The following NPIPA1 variants were observed in gnomAD, a reference collection of about 807,000 sequenced individuals.
NPIPA1 encodes the protein nuclear pore complex-interacting protein family member A1.
For missense variants in NPIPA1, 22 were observed against 232.2 expected (o/e 0.09, Z 5.88); for synonymous variants, 7 against 88.0 (o/e 0.08, Z 5.15).
intron 2 of NPIPA1, among the ~76,000 whole-genome samples, chr16:14,943,765 A>G (rs1300619024): frequency 2.7e-5 from 4 of 150,434 alleles, no homozygotes; most frequent in Non-Finnish European, 4.4e-5. Flanking sequence ...TAGATTACCC[A>G]TTGCTTCTCT....
intron 1 of NPIPA1, among the ~76,000 whole-genome samples, chr16:14,938,710 T>C (rs1373309865): frequency 6.6e-6 from 1 of 151,148 alleles, no homozygotes; most frequent in Non-Finnish European, 1.5e-5. Flanking sequence ...CAAAGTGAAA[T>C]GTCATTTGAT....
chr16:14,948,324 C>T (rs1404263622), intron 4 of NPIPA1, among the ~76,000 whole-genome samples: 1 of 152,250 alleles, frequency 6.6e-6, no homozygotes, highest in South Asian at 2.1e-4. Context: ...ATGCACCCAG[C>T]ATTCAGATTG....
chr16:14,951,666 CCCTA>C lies in NPIPA1; in HGVS notation c.698_701del (p.Tyr233SerfsTer6). 6.5e-7 allele frequency: 1 copy of C among 1,544,236 alleles called. No homozygotes were observed. The highest frequency in any genetic ancestry group is 8.7e-7 in the Non-Finnish European group (1 of 1,151,690). On this transcript the variant is annotated frameshift_variant, in exon 8 of 8. Coordinates refer to ENST00000328085, the MANE Select transcript of NPIPA1 (RefSeq NM_006985.4). LOFTEE classifies it high-confidence loss of function. ...TCATTCTTCAGGATTGCCCTACTGG[CCCTA>C]CCTCACAGCTGAAACTTTAAAAAAC... is the stretch of plus-strand genomic sequence containing the variant.
chr16:14,949,647 G>C (rs1480302989), intron 5 of NPIPA1: 1 of 610,014 alleles, frequency 1.6e-6, no homozygotes, highest in African/African-American at 1.9e-5. Context: ...ACCCAGGCTG[G>C]AGTGCAATGA....
In NPIPA1 at chr16:14,939,927, G is replaced by A. The variant is rs1487487080; in HGVS notation, c.64-1885G>A. Among the ~76,000 whole-genome samples, 5 of 33,752 alleles carry A rather than the reference G, an allele frequency of 1.5e-4. 1 individual carries two copies. The highest frequency in any genetic ancestry group is 2.4e-4 in the Non-Finnish European group (3 of 12,390). 22.1% of individuals were successfully genotyped at this position (33,752 alleles called of 152,430 possible). On this transcript the variant is annotated intron_variant, in intron 1 of 7. Coordinates refer to ENST00000328085, the MANE Select transcript of NPIPA1 (RefSeq NM_006985.4). ...TTTTTTTTTTTTGAGACAGAGTCTC[G>A]CTCTGTCACCCAGGCTGAAGTGCAG...
intron 2 of NPIPA1, among the ~76,000 whole-genome samples, chr16:14,945,264 G>C (rs1329374851): frequency 1.4e-5 from 2 of 145,182 alleles, no homozygotes; most frequent in African/African-American, 5.2e-5. Flanking sequence ...GTGTGTGTGT[G>C]TGTGAGACAG....
chr16:14,938,814 C>T (rs1328082814), intron 1 of NPIPA1, among the ~76,000 whole-genome samples: 2 of 151,846 alleles, frequency 1.3e-5, no homozygotes, highest in Admixed American at 6.6e-5. Context: ...TCTCGGCTCA[C>T]TGCAACCTCC....
chr16:14,940,386 A>C (rs1272283996), intron 1 of NPIPA1, among the ~76,000 whole-genome samples: 6 of 152,182 alleles, frequency 3.9e-5, no homozygotes, highest in South Asian at 2.1e-4. Context: ...AATGTTATAC[A>C]TCAATTTAAA....
chr16:14,947,327 GT>G (rs1189402834), intron 4 of NPIPA1, among the ~76,000 whole-genome samples: 4 of 152,068 alleles, frequency 2.6e-5, no homozygotes, highest in Non-Finnish European at 5.9e-5. Flanking sequence ...ATGGTCAGGG[GT>G]CCTCCGTACA....
chr16:14,940,449 C>T (rs1401672266), intron 1 of NPIPA1, among the ~76,000 whole-genome samples: 1 of 151,766 alleles, frequency 6.6e-6, no homozygotes, highest in Non-Finnish European at 1.5e-5. Flanking sequence ...TGGCTCACAC[C>T]TGTATTGCCA....
intron 4 of NPIPA1, among the ~76,000 whole-genome samples, chr16:14,948,020 CT>C (rs1463624663): frequency 1.3e-5 from 2 of 152,364 alleles, no homozygotes; most frequent in East Asian, 3.9e-4. Context: ...CATTAACTTT[CT>C]CTTTGAAGTG....
chr16:14,941,347 ATGGCTTGAGCCC>A (rs1965748634), intron 1 of NPIPA1, among the ~76,000 whole-genome samples: 1 of 136,650 alleles, frequency 7.3e-6, no homozygotes, highest in Non-Finnish European at 1.5e-5. Context: ...AGGCAGGAGA[ATGGCTTGAGCCC>A]AGGAGCTGGA....
intron 4 of NPIPA1, among the ~76,000 whole-genome samples, chr16:14,947,165 A>G (rs2151083751): frequency 6.6e-6 from 1 of 152,370 alleles, no homozygotes; most frequent in South Asian, 2.1e-4. Flanking sequence ...ACAGTCTTTC[A>G]TGTTTTGGTC....
chr16:14,948,133 T>C (rs1477598421), intron 4 of NPIPA1, among the ~76,000 whole-genome samples: 1 of 151,966 alleles, frequency 6.6e-6, no homozygotes, highest in Non-Finnish European at 1.5e-5. Flanking sequence ...AATCAAGTGG[T>C]GTGAGGGCAA....
intron 4 of NPIPA1, among the ~76,000 whole-genome samples, chr16:14,947,293 G>A (rs1267086106): frequency 6.6e-6 from 1 of 152,192 alleles, no homozygotes; most frequent in Non-Finnish European, 1.5e-5. Context: ...TGCTGCAGAA[G>A]AGATGGGAGT....
chr16:14,947,302 G>A (rs1965913915), intron 4 of NPIPA1, among the ~76,000 whole-genome samples: 1 of 152,170 alleles, frequency 6.6e-6, no homozygotes, highest in Non-Finnish European at 1.5e-5. Context: ...AGAGATGGGA[G>A]TCTACTTCTG....
chr16:14,944,863 C>G (rs1421898374), intron 2 of NPIPA1, among the ~76,000 whole-genome samples: 7 of 151,166 alleles, frequency 4.6e-5, no homozygotes, highest in African/African-American at 1.7e-4. Context: ...CTCGGCCTCC[C>G]AAAGTGCTGG....
chr16:14,948,080 A>G lies in NPIPA1; in HGVS notation c.438-850A>G, dbSNP rs1218503538. Among the ~76,000 whole-genome samples the G allele has an allele frequency of 3.3e-5, 5 of 152,224 alleles. No individual in the cohort carries two copies. In the South Asian group the frequency reaches 8.3e-4, roughly 25 times the overall value. ...TCTGGGAATTTTACACATCCTTCCT[A>G]TAAAACCAAGTATCAGGTGAGATCC... On this transcript the variant is annotated intron_variant, in intron 4 of 7. Coordinates refer to ENST00000328085, the MANE Select transcript of NPIPA1 (RefSeq NM_006985.4).
chr16:14,944,314 TAGTG>T (rs1332414784), intron 2 of NPIPA1, among the ~76,000 whole-genome samples: 5 of 152,174 alleles, frequency 3.3e-5, no homozygotes, highest in Non-Finnish European at 7.3e-5. Flanking sequence ...ATTCAGTCAT[TAGTG>T]AGAATGTTTT....
Sources: allele counts gnomAD v4.1 joint callset (sites outside exome capture counted in the v4.1 genomes callset), GRCh38; gene constraint gnomAD v4.1.1; transcripts MANE v1.5; gene names NCBI Gene and HGNC (gene_info 2026-07-23, HGNC 2026-07-21).